VSIR: variants seen among roughly 807,000 people sequenced by gnomAD.
VSIR encodes the protein V-type immunoglobulin domain-containing suppressor of T-cell activation.
In VSIR, 10 loss-of-function variants were observed where a neutral mutation model predicts 31.0. The ratio of observed to expected loss-of-function variants is 0.32; its 90% confidence interval spans 0.20 to 0.55. The LOEUF (loss-of-function observed/expected upper bound fraction) is 0.55. VSIR is among the 20% of genes least tolerant of loss of function. The pLI, the probability that VSIR is intolerant of heterozygous loss-of-function variation, is 0.93. For synonymous variants in VSIR, 179 were observed against 180.1 expected (o/e 0.99, Z 0.05); for missense variants, 356 against 416.2 (o/e 0.86, Z 1.26).
intron 1 of VSIR, 76 bp downstream of exon 1, chr10:71,773,282 C>T (rs952122983): frequency 6.7e-7 from 1 of 1,493,572 alleles, no homozygotes; most frequent in Non-Finnish European, 9.1e-7. Context: ...CCAGGACGCC[C>T]CCATCCCACA....
At chr10:71,759,882 C>CAT (rs1413573955) in intron 3 of VSIR, among the ~76,000 whole-genome samples, 16,486 of 63,162 alleles carry the variant, frequency 0.26, 4,109 homozygotes, top group Non-Finnish European at 0.37. Flanking sequence ...TACACACACA[C>CAT]ACATATACAC....
chr10:71,756,505 T>G (rs1252052771), intron 3 of VSIR, among the ~76,000 whole-genome samples: 1 of 152,220 alleles, frequency 6.6e-6, no homozygotes, highest in East Asian at 1.9e-4. Context: ...AAATCTGTAG[T>G]AAATTCCTAG....
At chr10:71,772,382 C>T (rs1448397453) in intron 1 of VSIR, among the ~76,000 whole-genome samples, 1 of 152,238 alleles carries the variant, frequency 6.6e-6, no homozygotes, top group African/African-American at 2.4e-5. Flanking sequence ...CTGCATGACT[C>T]ATACTTTCCC....
chr10:71,765,050 C>T (rs751086353), intron 1 of VSIR, among the ~76,000 whole-genome samples: 2 of 152,198 alleles, frequency 1.3e-5, no homozygotes, highest in African/African-American at 4.8e-5. Flanking sequence ...ATGGCTCTGC[C>T]GGGAAACAGA....
intron 1 of VSIR, among the ~76,000 whole-genome samples, chr10:71,764,711 C>T (rs760006817): frequency 7.2e-5 from 11 of 152,186 alleles, no homozygotes; most frequent in Non-Finnish European, 1.0e-4. Context: ...ACTCTCTCAC[C>T]GTGGTTTCTT....
rs1365274288 is a variant in VSIR at position 71,759,898 on chromosome 10, C to CATATATATACACACACATACATACAT, written c.568+969_568+970insATGTATGTATGTGTGTGTATATATAT. Reference sequence around the variant, plus strand: ...ACACACACACACATATACACACACACATATATACACACACACATATATACA... The same window carrying CATATATATACACACACATACATACAT: ...ACACACACACACATATACACACACACATATATATACACACACATACATACATATATATACACACACACATATATACA... On this transcript the variant is annotated intron_variant, in intron 3 of 6. Coordinates refer to ENST00000394957, the MANE Select transcript of VSIR (RefSeq NM_022153.2). Among the ~76,000 whole-genome samples, 29 of 50,722 alleles carry CATATATATACACACACATACATACAT rather than the reference C, an allele frequency of 5.7e-4. 9 individuals carry two copies. Among genetic ancestry groups the CATATATATACACACACATACATACAT allele is most frequent in the Admixed American group, 9.7e-4 (4 of 4,130 alleles). 33.3% of individuals were successfully genotyped at this position (50,722 alleles called of 152,430 possible). A position where few individuals can be genotyped will look rare whatever the true frequency, so the allele number is the denominator to read the frequency against.
chr10:71,771,006 C>G (rs1163759083), intron 1 of VSIR, among the ~76,000 whole-genome samples: 2 of 152,178 alleles, frequency 1.3e-5, no homozygotes, highest in Non-Finnish European at 2.9e-5. Context: ...GCTTGCAGCA[C>G]TGGGTTACTC....
chr10:71,761,561 C>T (rs1182256778), intron 2 of VSIR, 37 bp downstream of exon 2: 7 of 1,521,614 alleles, frequency 4.6e-6, no homozygotes, highest in South Asian at 2.5e-5. Context: ...GGCAGCCCTC[C>T]ACACACGCCA....
At chr10:71,760,175 ATG>A (rs772295364) in intron 3 of VSIR, among the ~76,000 whole-genome samples, 7,586 of 16,420 alleles carry the variant, frequency 0.46, 3,084 homozygotes, top group Non-Finnish European at 0.61. Context: ...ATACATATAT[ATG>A]TGTGTATATA....
chr10:71,760,062 TAC>T (rs748069222), intron 3 of VSIR, among the ~76,000 whole-genome samples: 2,026 of 25,302 alleles, frequency 0.08, 265 homozygotes, highest in East Asian at 0.16. Flanking sequence ...CACATATATA[TAC>T]ACACACACAT....
chr10:71,750,641 C>A lies in VSIR; in HGVS notation c.*612G>T, dbSNP rs1483770578. 6.6e-6 allele frequency: 1 copy of A among 152,452 alleles called. No individual in the cohort carries two copies. The highest frequency in any genetic ancestry group is 1.5e-5 in the Non-Finnish European group (1 of 68,138). 9.4% of individuals were successfully genotyped at this position (152,452 alleles called of 1,614,324 possible). On this transcript the variant is annotated 3_prime_UTR_variant, in exon 7 of 7. Coordinates refer to ENST00000394957, the MANE Select transcript of VSIR (RefSeq NM_022153.2). ...CAAGCTCTGGGGACTGGAATGCAGG[C>A]AGTGGAAGCCCCAGATTGACTTAAC...
At position 71,766,128 on chromosome 10, in the gene VSIR, G is replaced by C. The variant is rs150996551; in HGVS notation, c.83-4102C>G. 3.7e-3 allele frequency among the ~76,000 whole-genome samples: 568 copies of C among 152,334 alleles called. 6 individuals carry two copies. Among genetic ancestry groups the C allele is most frequent in the African/African-American group, 0.013 (531 of 41,570 alleles). ...TGTTGTCAGGGAAGCTGTGCAGCCCGGCTAAAATTACAATTCTTTGGCGAG... is the reference window on the plus strand; with the variant it reads ...TGTTGTCAGGGAAGCTGTGCAGCCCCGCTAAAATTACAATTCTTTGGCGAG... On this transcript the variant is annotated intron_variant, in intron 1 of 6. Transcript: ENST00000394957.
Position 71,751,718 on chromosome 10 carries a change from C to T in VSIR, c.848G>A (p.Ser283Asn). The stretch of plus-strand genomic sequence containing the variant: ...GGGGCCTGGAGGAGACAGGGGGGTG[C>T]TGGGCTCCGAAAGCAGATGCCGCCC... ...ESGRHLLSEP[S>N]TPLSPPGPGD... The change falls in exon 6 of 7, where the codon AGC becomes AAC. Residue 283 changes from serine to asparagine, a missense_variant. Transcript: ENST00000394957. The surrounding 1 kb of genome is among the most constrained non-coding windows in gnomAD (Gnocchi z 4.9). 6.3e-7 allele frequency: 1 copy of T among 1,578,088 alleles called. No homozygotes were observed. The highest frequency in any genetic ancestry group is 8.6e-7 in the Non-Finnish European group (1 of 1,163,636).
chr10:71,761,804 C>T lies in VSIR; in HGVS notation c.305G>A (p.Gly102Glu), dbSNP rs1173399367. Residue 102 changes from glycine (G) to glutamate (E), a missense_variant, in exon 2 of 7, where the codon GGA becomes GAA. Physicochemically the swap from Gly to Glu is moderately conservative, Grantham distance 98. Around this residue, in one of 2 missense-constraint regions of VSIR, gnomAD observed 166 missense variants for 231.0 expected, o/e 0.72. Transcript: ENST00000394957. Reference sequence around the variant, plus strand: ...GCTGGTGTTGGCAGCCTGGTGGCCTCCATGGTGCAGGTGAAGGTCCTGGAA... The same window carrying T: ...GCTGGTGTTGGCAGCCTGGTGGCCTTCATGGTGCAGGTGAAGGTCCTGGAA... ...LTFQDLHLHH[G>E]GHQAANTSHD... is the part of the protein sequence containing the mutation. 6.2e-7 allele frequency: 1 copy of T among 1,614,028 alleles called. No homozygotes were observed. The highest frequency in any genetic ancestry group is 2.2e-5 in the East Asian group (1 of 44,898).
rs769905999 is a variant in VSIR, at chr10:71,761,771, A to G, written c.338T>C (p.Leu113Pro). Residue 113 changes from leucine (L) to proline (P), a missense_variant, in exon 2 of 7, where the codon CTG becomes CCG. Coordinates refer to ENST00000394957, the MANE Select transcript of VSIR (RefSeq NM_022153.2). ...GHQAANTSHD[L>P]AQRHGLESAS... ...CGACTCCAGCCCGTGGCGCTGAGCC[A>G]GGTCGTGGCTGGTGTTGGCAGCCTG... is the stretch of plus-strand genomic sequence containing the variant. The G allele has an allele frequency of 1.2e-6, 2 of 1,614,160 alleles. No individual in the cohort carries two copies. The highest frequency in any genetic ancestry group is 1.7e-6 in the Non-Finnish European group (2 of 1,180,024).
rs562041920 is a variant in VSIR, at chr10:71,751,354, G to A, written c.899-64C>T. On this transcript the variant is annotated intron_variant, in intron 6 of 6. Transcript: ENST00000394957. The surrounding 1 kb of genome is among the most constrained non-coding windows in gnomAD (Gnocchi z 4.9). ...TGCCCCTCACCCTCAACCCCACCCC[G>A]TGAGGCCGTGGAACTCTTCAGGGAG... 31 of 1,515,982 alleles carry A rather than the reference G, an allele frequency of 2.0e-5. No individual in the cohort carries two copies. In the East Asian group the frequency reaches 2.2e-4, roughly 11 times the overall value. The allele number at this position is 1,515,982 out of a possible 1,614,324, so 93.9% of individuals were successfully genotyped here. A position where few individuals can be genotyped will look rare whatever the true frequency, so the allele number is the denominator to read the frequency against.
chr10:71,763,662 A>G (rs916668852), intron 1 of VSIR, among the ~76,000 whole-genome samples: 1 of 152,250 alleles, frequency 6.6e-6, no homozygotes, highest in African/African-American at 2.4e-5. Context: ...TGTTTTTCCC[A>G]GAAATGAAAA....
chr10:71,771,054 G>T (rs533324332), intron 1 of VSIR, among the ~76,000 whole-genome samples: 1 of 152,326 alleles, frequency 6.6e-6, no homozygotes, highest in South Asian at 2.1e-4. Flanking sequence ...TGAAGGAGAA[G>T]ATGGGGTCTC....
At chr10:71,763,664 A>G (rs947917256) in intron 1 of VSIR, among the ~76,000 whole-genome samples, 2 of 152,240 alleles carry the variant, frequency 1.3e-5, no homozygotes, top group Admixed American at 6.5e-5. Flanking sequence ...TTTTTCCCAG[A>G]AATGAAAACA....
Sources: gnomAD v4.1 joint callset for allele counts (sites outside exome capture counted in the v4.1 genomes callset) on GRCh38, gnomAD v4.1.1 for gene constraint, gnomAD v4.1.1 regional missense constraint, Gnocchi (gnomAD v3.1) non-coding constraint, MANE v1.5 for transcripts, NCBI Gene and HGNC (gene_info 2026-07-23, HGNC 2026-07-21) for gene names.